Variants in NME7 observed in about 807,000 individuals in gnomAD.
NME7 encodes the protein NME/NM23 family member 7.
Under a neutral mutation model 49.1 loss-of-function variants are expected in NME7, and 41 were observed. The ratio of observed to expected loss-of-function variants is 0.83; its 90% CI spans 0.65 to 1.08. The LOEUF (loss-of-function observed/expected upper bound fraction) is 1.08. Ranked by LOEUF, NME7 falls within the 50% of genes least tolerant of loss-of-function variation. The probability of loss-of-function intolerance (pLI) is 0.00; values close to 1 mark genes in which losing one functional copy is unlikely to be tolerated. For synonymous variants in NME7, 139 were observed against 150.6 expected, an observed-to-expected ratio of 0.92 and a Z score of 0.56; for missense variants, 423 against 463.4, an observed-to-expected ratio of 0.91 and a Z score of 0.80.
chr1:169,135,830 A>G (rs1404398392), intron 11 of NME7, among the ~76,000 whole-genome samples: 2 of 152,086 alleles, frequency 1.3e-5, no homozygotes, highest in Non-Finnish European at 2.9e-5. Context: ...GGGATTAAGT[A>G]TCTTACTAAG....
At chr1:169,304,901 A>G (rs1651112958) in intron 4 of NME7, among the ~76,000 whole-genome samples, 1 of 152,230 alleles carries the variant, frequency 6.6e-6, no homozygotes, top group South Asian at 2.1e-4. Flanking sequence ...ATGGGGTAAA[A>G]CTGAATAACT....
intron 10 of NME7, among the ~76,000 whole-genome samples, chr1:169,189,108 CTTTAT>C (rs1486859472): frequency 3.9e-5 from 6 of 152,092 alleles, no homozygotes; most frequent in African/African-American, 1.4e-4. Flanking sequence ...TCCTCATTCA[CTTTAT>C]TTTATTATAT....
At chr1:169,240,507 C>T (rs908379281) in intron 7 of NME7, among the ~76,000 whole-genome samples, 2 of 151,784 alleles carry the variant, frequency 1.3e-5, no homozygotes, top group African/African-American at 4.8e-5. Flanking sequence ...TAAGTGGTAG[C>T]TTCTTAAAAG....
At chr1:169,342,194 G>T (rs1225004685) in intron 1 of NME7, among the ~76,000 whole-genome samples, 2 of 151,994 alleles carry the variant, frequency 1.3e-5, no homozygotes. Context: ...GGATCATGGG[G>T]GCAGTTTCCC....
chr1:169,206,675 CTAAAA>C (rs1401808622), intron 10 of NME7, among the ~76,000 whole-genome samples: 10 of 151,994 alleles, frequency 6.6e-5, no homozygotes, highest in Admixed American at 2.6e-4. Context: ...ATTAATTACT[CTAAAA>C]TAAAATTATC....
chr1:169,286,345 G>A (rs1388671963), intron 7 of NME7: 1 of 151,790 alleles, frequency 6.6e-6, no homozygotes, highest in African/African-American at 2.4e-5. Context: ...GGATACTTAG[G>A]AGACATAAAA....
intron 10 of NME7, among the ~76,000 whole-genome samples, chr1:169,214,735 G>C (rs1660928030): frequency 6.6e-6 from 1 of 152,192 alleles, no homozygotes; most frequent in Non-Finnish European, 1.5e-5. Context: ...CTTGTGGGAG[G>C]GCATGCGTAG....
chr1:169,288,517 C>T (rs970811454), intron 6 of NME7, among the ~76,000 whole-genome samples: 4 of 151,990 alleles, frequency 2.6e-5, no homozygotes, highest in Non-Finnish European at 5.9e-5. Context: ...TCGTGCAGTT[C>T]AAACCTGTGT....
intron 1 of NME7, among the ~76,000 whole-genome samples, chr1:169,329,396 G>GAAAAAAAAAAAAAAAA (rs34676722): frequency 1.0e-5 from 1 of 98,228 alleles, no homozygotes; most frequent in African/African-American, 3.9e-5. Flanking sequence ...TGTGTTTCCT[G>GAAAAAAAAAAAAAAAA]AAAAAAAAAA....
At chr1:169,321,758 T>A (rs548570172) in intron 3 of NME7, among the ~76,000 whole-genome samples, 1 of 152,332 alleles carries the variant, frequency 6.6e-6, no homozygotes, top group East Asian at 1.9e-4. Flanking sequence ...GATATCATAT[T>A]ACTATAAGAG....
At chr1:169,171,528 C>T (rs980905775) in intron 10 of NME7, among the ~76,000 whole-genome samples, 1 of 152,094 alleles carries the variant, frequency 6.6e-6, no homozygotes, top group Non-Finnish European at 1.5e-5. Context: ...TTTGGGAGGC[C>T]GAGGCGGGTG....
intron 6 of NME7, among the ~76,000 whole-genome samples, chr1:169,298,165 G>C (rs537535731): frequency 6.6e-5 from 10 of 152,136 alleles, no homozygotes; most frequent in African/African-American, 2.4e-4. Context: ...AGGATGTTAA[G>C]CTTGAAAGCA....
At position 169,222,906 on chromosome 1, in the gene NME7, A is replaced by G. The variant is rs2101808473; in HGVS notation, c.990+7812T>C. Among the ~76,000 whole-genome samples, 7 of 152,346 alleles carry G rather than the reference A, an allele frequency of 4.6e-5. No homozygotes were observed. In the South Asian group the frequency reaches 1.4e-3, roughly 32 times the overall value. ...CCACTACCTCCAAATATTTTAGTTT[A>G]TATTTCTTACCAACAACTACAGCCT... On this transcript the variant is annotated intron_variant, in intron 10 of 11. Coordinates refer to ENST00000367811, the MANE Select transcript of NME7 (RefSeq NM_013330.5).
chr1:169,285,058 C>A (rs926164579), intron 7 of NME7: 1 of 152,034 alleles, frequency 6.6e-6, no homozygotes, highest in African/African-American at 2.4e-5. Context: ...CACAAATATA[C>A]ACGGGTGTAT....
At chr1:169,319,386 TA>T (rs1478972470) in intron 3 of NME7, among the ~76,000 whole-genome samples, 2 of 152,220 alleles carry the variant, frequency 1.3e-5, no homozygotes, top group Admixed American at 1.3e-4. Flanking sequence ...CAGTACCTTT[TA>T]AAAAATTATC....
At position 169,237,648 on chromosome 1, in the gene NME7, C is replaced by T. The variant is rs1647914204; in HGVS notation, c.794G>A (p.Gly265Asp). 6.2e-7 allele frequency: 1 copy of T among 1,610,986 alleles called. No individual in the cohort carries two copies. The highest frequency in any genetic ancestry group is 8.5e-7 in the Non-Finnish European group (1 of 1,177,942). Residue 265 changes from glycine (G) to aspartate (D), a missense_variant, in exon 8 of 12, where the codon GGT becomes GAT. Coordinates refer to ENST00000367811, the MANE Select transcript of NME7 (RefSeq NM_013330.5). ...CATCTGCATAGCTGAGATTTCAAAA[C>T]CTGCATCTCGGATAGCCATCAGGAT... ...GKILMAIRDA[G>D]FEISAMQMFN...
At chr1:169,244,472 A>T (rs1648226293) in intron 7 of NME7, among the ~76,000 whole-genome samples, 1 of 151,622 alleles carries the variant, frequency 6.6e-6, no homozygotes, top group Non-Finnish European at 1.5e-5. Flanking sequence ...TCTCTACTAA[A>T]CAAAATACAA....
chr1:169,319,714 G>T lies in NME7; in HGVS notation c.278+3403C>A, dbSNP rs529138451. The stretch of plus-strand genomic sequence containing the variant: ...TAATTTTTCTTCTGAAAAACAGGGG[G>T]GTCTTCCTTTCACTGAAAGTTAATA... On this transcript the variant is annotated intron_variant, in intron 3 of 11. Coordinates refer to ENST00000367811, the MANE Select transcript of NME7 (RefSeq NM_013330.5). Among the ~76,000 whole-genome samples, 302 of 152,026 alleles carry T rather than the reference G, an allele frequency of 2.0e-3. 4 individuals are homozygous for T. Among genetic ancestry groups the T allele is most frequent in the African/African-American group, 7.1e-3 (293 of 41,472 alleles).
At chr1:169,148,005 A>C (rs557272076) in intron 11 of NME7, among the ~76,000 whole-genome samples, 45 of 91,710 alleles carry the variant, frequency 4.9e-4, no homozygotes, top group East Asian at 2.4e-3. Context: ...AGTTTCTTTT[A>C]TTTTATTTTT....
Sources: allele counts gnomAD v4.1 joint callset (sites outside exome capture counted in the v4.1 genomes callset), GRCh38; gene constraint gnomAD v4.1.1; transcripts MANE v1.5; gene names NCBI Gene and HGNC (gene_info 2026-07-23, HGNC 2026-07-21).